The following CKAP5 variants were observed in gnomAD, a reference collection of about 807,000 sequenced individuals.
CKAP5 encodes cytoskeleton associated protein 5.
A neutral mutation model predicts 232.8 loss-of-function variants in CKAP5; 27 were observed. That is an observed-to-expected ratio of 0.12 (90% CI 0.09 to 0.16). The LOEUF (loss-of-function observed/expected upper bound fraction) is 0.16. Ranked by LOEUF, CKAP5 falls within the 10% of genes least tolerant of loss-of-function variation. CKAP5 has a pLI of 1.00. For missense variants in CKAP5, 1,838 were observed against 2,424.7 expected (o/e 0.76, Z 5.08); for synonymous variants, 785 against 841.1 (o/e 0.93, Z 1.16).
At chr11:46,787,208 A>G (rs932356236) in intron 16 of CKAP5, among the ~76,000 whole-genome samples, 5 of 152,204 alleles carry the variant, frequency 3.3e-5, no homozygotes, top group African/African-American at 4.8e-5. Flanking sequence ...AGAATCTTTT[A>G]GAATATTTAG....
intron 4 of CKAP5, among the ~76,000 whole-genome samples, chr11:46,811,852 A>G (rs1939281526): frequency 6.6e-6 from 1 of 152,250 alleles, no homozygotes; most frequent in African/African-American, 2.4e-5. Flanking sequence ...TACATGAATG[A>G]AATCTACTTT....
intron 5 of CKAP5, 80 bp from the exon 6 acceptor site, chr11:46,809,954 A>C: frequency 1.5e-6 from 2 of 1,356,420 alleles, no homozygotes; most frequent in South Asian, 2.7e-5. Flanking sequence ...ATTTATTGAC[A>C]TATCAGGACC....
At chr11:46,756,153 T>G (rs2134580432) in intron 35 of CKAP5, among the ~76,000 whole-genome samples, 1 of 152,298 alleles carries the variant, frequency 6.6e-6, no homozygotes, top group Admixed American at 6.5e-5. Flanking sequence ...TAAGGCATTG[T>G]TTATATCTAA....
At chr11:46,813,368 T>A (rs1939318970) in intron 4 of CKAP5, among the ~76,000 whole-genome samples, 1 of 152,138 alleles carries the variant, frequency 6.6e-6, no homozygotes, top group Non-Finnish European at 1.5e-5. Flanking sequence ...TTATTACTGT[T>A]TCATCTGAAT....
chr11:46,765,043 T>G (rs2065189912), intron 28 of CKAP5, 88 bp downstream of exon 28: 4 of 1,252,832 alleles, frequency 3.2e-6, no homozygotes, highest in Non-Finnish European at 4.4e-6. Context: ...TCCTAGATAT[T>G]AAACAATAAC....
At chr11:46,802,563 C>CATAT (rs1565743465) in intron 8 of CKAP5, among the ~76,000 whole-genome samples, 6 of 148,826 alleles carry the variant, frequency 4.0e-5, no homozygotes, top group Admixed American at 1.3e-4. Flanking sequence ...GACAGACACA[C>CATAT]ACACACACAC....
intron 13 of CKAP5, among the ~76,000 whole-genome samples, chr11:46,791,682 T>C (rs1335660960): frequency 6.6e-6 from 1 of 151,956 alleles, no homozygotes; most frequent in East Asian, 1.9e-4. Context: ...TCAAAATAAA[T>C]AAATTCATTC....
At chr11:46,799,147 T>A (rs1389644004) in intron 9 of CKAP5, among the ~76,000 whole-genome samples, 1 of 152,116 alleles carries the variant, frequency 6.6e-6, no homozygotes, top group African/African-American at 2.4e-5. Flanking sequence ...CTCAGGTATA[T>A]GTCACCACAC....
In CKAP5 at chr11:46,744,171, T is replaced by A. The variant is rs756237987; in HGVS notation, c.5951A>T (p.Gln1984Leu). 6.2e-6 allele frequency: 10 copies of A among 1,614,136 alleles called. 1 individual carries two copies. The South Asian group carries it at 1.1e-4, about 18-fold the overall frequency. The change falls in exon 44 of 44, where the codon CAG becomes CTG. Residue 1984 changes from glutamine to leucine, a missense_variant. Coordinates refer to ENST00000529230, the MANE Select transcript of CKAP5 (RefSeq NM_001008938.4). ...STDMLHSKLS[Q>L]LRESREQHQH... ...GTGCTGCTCCCGTGACTCCCGGAGC[T>A]GAGAGAGTTTGCTGTGGAGCATGTC...
rs1476563262 is a variant in CKAP5 at position 46,783,377 on chromosome 11, G to A, written c.2155-9C>T. The A allele has an allele frequency of 6.5e-7, 1 of 1,538,808 alleles. No individual in the cohort carries two copies. The highest frequency in any genetic ancestry group is 9.0e-7 in the Non-Finnish European group (1 of 1,115,788). ...AAAGCCATTGACACAACCTGAAAAG[G>A]GAAAAACAGCAGATCTGTGTTTTAT... On this transcript the variant is annotated splice_polypyrimidine_tract_variant and intron_variant, in intron 17 of 43. Coordinates refer to ENST00000529230, the MANE Select transcript of CKAP5 (RefSeq NM_001008938.4).
chr11:46,762,186 C>T lies in CKAP5; in HGVS notation c.4035G>A (p.Leu1345=). The change falls in exon 32 of 44, where the codon CTG becomes CTA. Residue 1345 remains leucine, a synonymous_variant. Coordinates refer to ENST00000529230, the MANE Select transcript of CKAP5 (RefSeq NM_001008938.4). ...SKNSKQRAEC[L]EELGCLVESY... ...ACTCAACCAGACATCCCAGCTCTTC[C>T]AGGCACTCTGATGGGGGAGAAAGGC... 6.2e-7 allele frequency: 1 copy of T among 1,613,552 alleles called. No homozygotes were observed. Among genetic ancestry groups the T allele is most frequent in the Non-Finnish European group, 8.5e-7 (1 of 1,179,700 alleles).
intron 20 of CKAP5, among the ~76,000 whole-genome samples, chr11:46,778,985 C>G (rs952289221): frequency 1.3e-5 from 2 of 152,108 alleles, no homozygotes; most frequent in African/African-American, 4.8e-5. Flanking sequence ...GAGGCTGAGG[C>G]AGGAGAATTG....
chr11:46,809,541 A>G, intron 6 of CKAP5, 41 bp from the exon 7 acceptor site: 1 of 1,502,284 alleles, frequency 6.7e-7, no homozygotes, highest in East Asian at 2.3e-5. Flanking sequence ...AAATGCTTAG[A>G]ATTGTTTTAC....
intron 26 of CKAP5, among the ~76,000 whole-genome samples, chr11:46,768,016 A>C (rs2065217714): frequency 6.6e-6 from 1 of 150,442 alleles, no homozygotes; most frequent in Admixed American, 6.6e-5. Flanking sequence ...GGCTGGTCTC[A>C]AACTCCTGGG....
In CKAP5 at chr11:46,778,845, C is replaced by T. The variant is rs149974426; in HGVS notation, c.2434-246G>A. On this transcript the variant is annotated intron_variant, in intron 20 of 43. Transcript: ENST00000529230. Reference sequence around the variant, plus strand: ...ATCCCAGTACTTTGGGAGGCCAAGGCGGGTGGATCATCTGAGGTCAGGAGT... The same window carrying T: ...ATCCCAGTACTTTGGGAGGCCAAGGTGGGTGGATCATCTGAGGTCAGGAGT... Among the ~76,000 whole-genome samples, 674 of 152,252 alleles carry T rather than the reference C, an allele frequency of 4.4e-3. 8 individuals are homozygous for T. The highest frequency in any genetic ancestry group is 0.016 in the South Asian group (77 of 4,824).
chr11:46,839,462 A>G (rs1940000157), intron 1 of CKAP5, among the ~76,000 whole-genome samples: 1 of 152,222 alleles, frequency 6.6e-6, no homozygotes, highest in Non-Finnish European at 1.5e-5. Flanking sequence ...ACTACCAAGA[A>G]TCCTAATTAG....
At chr11:46,745,638 T>G (rs1416017110) in intron 42 of CKAP5, among the ~76,000 whole-genome samples, 2 of 152,138 alleles carry the variant, frequency 1.3e-5, no homozygotes, top group Non-Finnish European at 2.9e-5. Context: ...GTCTTTTTCA[T>G]TAAAGACCAG....
intron 5 of CKAP5, 93 bp from the exon 6 acceptor site, chr11:46,809,967 A>C: frequency 2.4e-6 from 3 of 1,263,944 alleles, no homozygotes; most frequent in Admixed American, 2.4e-5. Context: ...TCAGGACCCA[A>C]TTTCTTTCTT....
intron 15 of CKAP5, among the ~76,000 whole-genome samples, chr11:46,789,116 T>C (rs2065423973): frequency 6.6e-6 from 1 of 152,236 alleles, no homozygotes; most frequent in Non-Finnish European, 1.5e-5. Flanking sequence ...TATATGTATT[T>C]TCTCTTCCTT....
Sources: allele counts gnomAD v4.1 joint callset (sites outside exome capture counted in the v4.1 genomes callset), GRCh38; gene constraint gnomAD v4.1.1; transcripts MANE v1.5; gene names NCBI Gene and HGNC (gene_info 2026-07-23, HGNC 2026-07-21).